AGR2: variants seen among roughly 807,000 people sequenced by gnomAD.
AGR2 encodes the protein anterior gradient 2, protein disulphide isomerase family member.
Under a neutral mutation model 25.9 loss-of-function variants are expected in AGR2, and 27 were observed. The observed-to-expected ratio is 1.04, with a 90% confidence interval of 0.77 to 1.44. AGR2 has a LOEUF of 1.44. AGR2 is among the 40% of genes most tolerant of loss of function. The probability of loss-of-function intolerance (pLI) is 0.00; values close to 1 mark genes in which losing one functional copy is unlikely to be tolerated. For missense variants in AGR2, 182 were observed against 200.9 expected (o/e 0.91, Z 0.57); for synonymous variants, 78 against 72.0 (o/e 1.08, Z -0.42).
Position 16,794,919 on chromosome 7 carries a change from T to A in AGR2, c.478+17A>T, listed in dbSNP as rs373659072. 2.7e-5 allele frequency: 44 copies of A among 1,614,004 alleles called. No individual in the cohort carries two copies. Among genetic ancestry groups the A allele is most frequent in the Non-Finnish European group, 3.4e-5 (40 of 1,180,000 alleles). Reference sequence around the variant, plus strand: ...GTTCAACTCTTGGGCAACATCCGAATTGAAGGTCACACTTACACAGAGCTG... The same window carrying A: ...GTTCAACTCTTGGGCAACATCCGAAATGAAGGTCACACTTACACAGAGCTG... On this transcript the variant is annotated intron_variant, in intron 7 of 7. Coordinates refer to ENST00000419304, the MANE Select transcript of AGR2 (RefSeq NM_006408.4).
chr7:16,799,494 C>A (rs954193169), intron 5 of AGR2: 6 of 416,406 alleles, frequency 1.4e-5, no homozygotes, highest in African/African-American at 1.2e-4. Context: ...CTTCCAGCAA[C>A]AGAAAAAATT....
rs745955327 is a variant in AGR2 at position 16,797,655 on chromosome 7, A to G, written c.370T>C (p.Tyr124His). ...CCAACAAACATAATCCTGGGGACAT[A>G]CTGGCCATCAGGAGAAAGGTGTTTG... is the stretch of plus-strand genomic sequence containing the variant. ...TDKHLSPDGQYVPRIMFVDPS... is the reference protein window; with the variant it reads ...TDKHLSPDGQHVPRIMFVDPS... Residue 124 changes from tyrosine (Y) to histidine (H), a missense_variant, in exon 6 of 8, where the codon TAT (tyrosine) becomes CAT (histidine). Physicochemically the swap from Tyr to His is moderately conservative, Grantham distance 83 (BLOSUM62 2). Coordinates refer to ENST00000419304, the MANE Select transcript of AGR2 (RefSeq NM_006408.4). 1.9e-6 allele frequency: 3 copies of G among 1,614,002 alleles called. No homozygotes were observed. The highest frequency in any genetic ancestry group is 1.1e-5 in the South Asian group (1 of 91,038).
At chr7:16,802,762 C>A (rs1333675481) in intron 1 of AGR2, among the ~76,000 whole-genome samples, 1 of 151,370 alleles carries the variant, frequency 6.6e-6, no homozygotes, top group Non-Finnish European at 1.5e-5. Context: ...ATATATATAT[C>A]TATATAGAAA....
In AGR2 at chr7:16,792,731, G is replaced by T; in HGVS notation, c.*177C>A. ...AGTATACAATATTGTTTTCACACAT[G>T]TACACTTGAAACCAAATTTCTAAAA... is the stretch of plus-strand genomic sequence containing the variant. On this transcript the variant is annotated 3_prime_UTR_variant, in exon 8 of 8. Transcript: ENST00000419304. The T allele has an allele frequency of 3.2e-6, 2 of 629,032 alleles. No homozygotes were observed. The highest frequency in any genetic ancestry group is 2.8e-6 in the Non-Finnish European group (1 of 353,986). 39.0% of individuals were successfully genotyped at this position (629,032 alleles called of 1,614,324 possible). A position where few individuals can be genotyped will look rare whatever the true frequency, so the allele number is the denominator to read the frequency against.
At chr7:16,797,430 A>T (rs819012) in intron 6 of AGR2, among the ~76,000 whole-genome samples, 4,013 of 152,280 alleles carry the variant, frequency 0.026, 180 homozygotes, top group African/African-American at 0.091. Flanking sequence ...GTGAGAAAAG[A>T]AAGTGTTGTG....
chr7:16,804,415 C>A (rs904713911), intron 1 of AGR2, among the ~76,000 whole-genome samples: 2 of 152,076 alleles, frequency 1.3e-5, no homozygotes, highest in African/African-American at 2.4e-5. Context: ...AGGAAAGCAA[C>A]CAGCTCTCTC....
chr7:16,800,123 CAT>C (rs1462236112), intron 4 of AGR2, among the ~76,000 whole-genome samples: 1 of 152,166 alleles, frequency 6.6e-6, no homozygotes, highest in Non-Finnish European at 1.5e-5. Context: ...CAAAAAAAAG[CAT>C]GTGTTTTTTC....
intron 5 of AGR2, among the ~76,000 whole-genome samples, chr7:16,798,347 G>A (rs1026806224): frequency 3.9e-5 from 6 of 152,170 alleles, no homozygotes; most frequent in Non-Finnish European, 5.9e-5. Flanking sequence ...CTTCATGCAG[G>A]GGGAAGAGTA....
At position 16,801,718 on chromosome 7, in the gene AGR2, G is replaced by T; in HGVS notation, c.79C>A (p.Pro27Thr). The T allele has an allele frequency of 6.2e-7, 1 of 1,613,736 alleles. No individual in the cohort carries two copies. The highest frequency in any genetic ancestry group is 8.5e-7 in the Non-Finnish European group (1 of 1,179,958). Residue 27 changes from proline (P) to threonine (T), a missense_variant, in exon 2 of 8, where the codon CCT becomes ACT. Pro to Thr is a conservative substitution (Grantham distance 38, BLOSUM62 -1). Coordinates refer to ENST00000419304, the MANE Select transcript of AGR2 (RefSeq NM_006408.4). ...YTLARDTTVK[P>T]GAKKDTKDSR... ...TCCTTTGTGTCCTTTTTGGCTCCAG[G>T]TTTGACTGTGGTATCTCTGGCCAGA... is the stretch of plus-strand genomic sequence containing the variant.
intron 7 of AGR2, chr7:16,794,548 G>A (rs1785011799): frequency 5.2e-6 from 2 of 388,064 alleles, no homozygotes; most frequent in East Asian, 4.3e-5. Context: ...ATTTTAAGCT[G>A]GACTGCACAT....
chr7:16,799,645 A>G, intron 5 of AGR2, 99 bp downstream of exon 5: 1 of 769,114 alleles, frequency 1.3e-6, no homozygotes, highest in Non-Finnish European at 2.1e-6. Context: ...AAGCAATCCC[A>G]GTTAATGCAG....
intron 6 of AGR2, among the ~76,000 whole-genome samples, chr7:16,797,179 T>C (rs1471017715): frequency 6.6e-6 from 1 of 152,108 alleles, no homozygotes; most frequent in Non-Finnish European, 1.5e-5. Flanking sequence ...CTGCCGGCCT[T>C]GGCCTCCCAA....
chr7:16,799,637 G>T, intron 5 of AGR2, 107 bp downstream of exon 5: 2 of 667,994 alleles, frequency 3.0e-6, no homozygotes, highest in Non-Finnish European at 2.5e-6. Flanking sequence ...ATATTTGGAA[G>T]CAATCCCAGT....
Position 16,792,104 on chromosome 7 carries a change from T to A in AGR2, c.*804A>T, listed in dbSNP as rs1345632344. Reference sequence around the variant, plus strand: ...GCCTCATCAACACGTCACCACCCTTTGCTCTTCTTCCAATTAGTCACATGT... The same window carrying A: ...GCCTCATCAACACGTCACCACCCTTAGCTCTTCTTCCAATTAGTCACATGT... On this transcript the variant is annotated 3_prime_UTR_variant, in exon 8 of 8. Transcript: ENST00000419304. 3 of 152,232 alleles carry A rather than the reference T, an allele frequency of 2.0e-5. No individual in the cohort carries two copies. In the East Asian group the frequency reaches 5.8e-4, roughly 29 times the overall value. 9.4% of individuals were successfully genotyped at this position (152,232 alleles called of 1,614,324 possible).
chr7:16,799,348 A>G (rs954329393), intron 5 of AGR2, among the ~76,000 whole-genome samples: 1 of 152,170 alleles, frequency 6.6e-6, no homozygotes, highest in Non-Finnish European at 1.5e-5. Context: ...GTGGGAATGC[A>G]TGAAGCTAAA....
At position 16,792,572 on chromosome 7, in the gene AGR2, G is replaced by T. The variant is rs1421884582; in HGVS notation, c.*336C>A. ...TTTGAACTAGTTTTGGTTTTGTCTT[G>T]TCCCTTCCTTGAGCATTTTGTGTGT... On this transcript the variant is annotated 3_prime_UTR_variant, in exon 8 of 8. Transcript: ENST00000419304. 1 of 263,588 alleles carries T rather than the reference G, an allele frequency of 3.8e-6. No individual in the cohort carries two copies. Among genetic ancestry groups the T allele is most frequent in the African/African-American group, 2.2e-5 (1 of 45,002 alleles). The allele number at this position is 263,588 out of a possible 1,614,324, so 16.3% of individuals were successfully genotyped here.
At chr7:16,802,583 C>T (rs371043266) in intron 1 of AGR2, among the ~76,000 whole-genome samples, 4 of 152,256 alleles carry the variant, frequency 2.6e-5, no homozygotes, top group Non-Finnish European at 5.9e-5. Flanking sequence ...ACTTGAAATA[C>T]AGTTTCTACT....
chr7:16,799,157 C>G (rs984124691), intron 5 of AGR2, among the ~76,000 whole-genome samples: 5 of 152,046 alleles, frequency 3.3e-5, no homozygotes, highest in Non-Finnish European at 2.9e-5. Context: ...GCGAAGTGGT[C>G]TTTAAGGAAG....
chr7:16,801,622 G>A, intron 2 of AGR2, 36 bp downstream of exon 2: 1 of 1,613,000 alleles, frequency 6.2e-7, no homozygotes, highest in Non-Finnish European at 8.5e-7. Context: ...TTCCAATTAA[G>A]TAGCAGTTGG....
Sources: gnomAD v4.1 joint callset for allele counts (sites outside exome capture counted in the v4.1 genomes callset) on GRCh38, gnomAD v4.1.1 for gene constraint, MANE v1.5 for transcripts, NCBI Gene and HGNC (gene_info 2026-07-23, HGNC 2026-07-21) for gene names.